Variants in MAP2 observed in about 807,000 individuals in gnomAD.
MAP2 encodes the protein microtubule associated protein 2, also known as microtubule-associated protein 2.
Under a neutral mutation model 137.6 loss-of-function variants are expected in MAP2, and 14 were observed. That is an observed-to-expected ratio of 0.10 (90% CI 0.07 to 0.16). The LOEUF (loss-of-function observed/expected upper bound fraction) is 0.16, where lower values mean the gene tolerates loss of function less well. Ranked by LOEUF, MAP2 falls within the 10% of genes least tolerant of loss-of-function variation. MAP2 has a pLI of 1.00. For missense variants in MAP2, 2,088 were observed against 2,191.5 expected, an observed-to-expected ratio of 0.95 and a Z score of 0.94; for synonymous variants, 786 against 782.3, an observed-to-expected ratio of 1.00 and a Z score of -0.08.
At chr2:209,546,091 C>T (rs898901616) in intron 2 of MAP2, among the ~76,000 whole-genome samples, 7 of 152,028 alleles carry the variant, frequency 4.6e-5, no homozygotes, top group African/African-American at 9.7e-5. Flanking sequence ...TGCGGTAAGC[C>T]GAGATCGCGC....
In MAP2 at chr2:209,733,076, G is replaced by T. The variant is rs55677311; in HGVS notation, c.*2679G>T. ...ACGCTGATCTAGGAATGAAATCTTCGTGGTCTCAATTCTAGATCTACTATG... is the reference window on the plus strand; with the variant it reads ...ACGCTGATCTAGGAATGAAATCTTCTTGGTCTCAATTCTAGATCTACTATG... On this transcript the variant is annotated 3_prime_UTR_variant, in exon 16 of 16. Coordinates refer to ENST00000682079, the MANE Select transcript of MAP2 (RefSeq NM_001375505.1). 1.3e-5 allele frequency: 2 copies of T among 152,502 alleles called. No homozygotes were observed. The highest frequency in any genetic ancestry group is 2.9e-5 in the Non-Finnish European group (2 of 68,036). 9.4% of individuals were successfully genotyped at this position (152,502 alleles called of 1,614,324 possible).
chr2:209,464,383 A>G (rs1246502749), intron 1 of MAP2, among the ~76,000 whole-genome samples: 1 of 152,144 alleles, frequency 6.6e-6, no homozygotes, highest in East Asian at 1.9e-4. Context: ...TGATTATTTA[A>G]AGTAATGTCA....
intron 4 of MAP2, among the ~76,000 whole-genome samples, chr2:209,646,454 G>T (rs2094430118): frequency 6.6e-6 from 1 of 152,072 alleles, no homozygotes; most frequent in African/African-American, 2.4e-5. Context: ...TAAGATTTTA[G>T]AATTTTTAAA....
intron 3 of MAP2, among the ~76,000 whole-genome samples, chr2:209,612,391 C>G (rs1048726170): frequency 2.0e-5 from 3 of 152,154 alleles, no homozygotes; most frequent in Non-Finnish European, 2.9e-5. Flanking sequence ...GTGGCTTTAT[C>G]ACAAGAACAC....
intron 10 of MAP2, among the ~76,000 whole-genome samples, 192 bp downstream of exon 10, chr2:209,697,243 T>G (rs1393721761): frequency 6.6e-6 from 1 of 152,134 alleles, no homozygotes; most frequent in Non-Finnish European, 1.5e-5. Context: ...CATGACCATC[T>G]GTTTCTTTGT....
chr2:209,662,955 T>G (rs901283833), intron 5 of MAP2, among the ~76,000 whole-genome samples: 1 of 151,368 alleles, frequency 6.6e-6, no homozygotes, highest in Non-Finnish European at 1.5e-5. Flanking sequence ...AAGTGTGAGA[T>G]ATATATATAT....
chr2:209,559,819 G>C (rs1485717368), intron 2 of MAP2, among the ~76,000 whole-genome samples: 2 of 151,700 alleles, frequency 1.3e-5, no homozygotes. Context: ...CCTGGAGTCA[G>C]CCACATTTTT....
At chr2:209,729,664 C>G (rs1173654315) in intron 14 of MAP2, among the ~76,000 whole-genome samples, 186 bp from the exon 15 acceptor site, 1 of 152,132 alleles carries the variant, frequency 6.6e-6, no homozygotes, top group East Asian at 1.9e-4. Context: ...GTGTTATGGT[C>G]TTGCATCATA....
chr2:209,563,576 A>G (rs1008988516), intron 2 of MAP2, among the ~76,000 whole-genome samples: 4 of 152,226 alleles, frequency 2.6e-5, no homozygotes, highest in Non-Finnish European at 4.4e-5. Context: ...TCTCTAGCTC[A>G]TAGTGAAATC....
At chr2:209,453,646 A>G (rs767167298) in intron 1 of MAP2, among the ~76,000 whole-genome samples, 2 of 152,206 alleles carry the variant, frequency 1.3e-5, no homozygotes, top group Non-Finnish European at 2.9e-5. Flanking sequence ...AAAAGATTAC[A>G]TAATATTCTG....
chr2:209,450,459 A>G (rs1700066641), intron 1 of MAP2, among the ~76,000 whole-genome samples: 1 of 152,166 alleles, frequency 6.6e-6, no homozygotes, highest in African/African-American at 2.4e-5. Flanking sequence ...GATTAGTAAC[A>G]TTTCATTTCA....
At chr2:209,532,761 T>C (rs555625235) in intron 2 of MAP2, among the ~76,000 whole-genome samples, 36 of 152,352 alleles carry the variant, frequency 2.4e-4, no homozygotes, top group Non-Finnish European at 4.9e-4. Context: ...CAGAAATCAA[T>C]GTGGACTAGT....
intron 3 of MAP2, among the ~76,000 whole-genome samples, chr2:209,620,165 ACTAAT>A (rs1196112892): frequency 1.3e-5 from 2 of 152,108 alleles, no homozygotes; most frequent in African/African-American, 4.8e-5. Flanking sequence ...TACTTTTCTG[ACTAAT>A]CTAATTGTTT....
chr2:209,472,287 G>A (rs954821995), intron 1 of MAP2, among the ~76,000 whole-genome samples: 3 of 152,178 alleles, frequency 2.0e-5, no homozygotes, highest in African/African-American at 7.2e-5. Context: ...TGGGCTGTTA[G>A]CCAAGGATTT....
intron 1 of MAP2, among the ~76,000 whole-genome samples, chr2:209,443,569 AC>A (rs869150895): frequency 4.8e-4 from 2 of 4,170 alleles, no homozygotes; most frequent in Non-Finnish European, 5.8e-3. Flanking sequence ...AGTCTCTTCA[AC>A]GACCCACTCC....
At chr2:209,556,593 C>T (rs1223589808) in intron 2 of MAP2, among the ~76,000 whole-genome samples, 2 of 150,724 alleles carry the variant, frequency 1.3e-5, no homozygotes, top group Non-Finnish European at 2.9e-5. Flanking sequence ...ACATGGGTGC[C>T]AGATTTCAAC....
At chr2:209,447,902 A>C (rs773797689) in intron 1 of MAP2, among the ~76,000 whole-genome samples, 1 of 152,128 alleles carries the variant, frequency 6.6e-6, no homozygotes, top group Non-Finnish European at 1.5e-5. Context: ...CTCATAACTT[A>C]AAATTCTGCT....
intron 11 of MAP2, among the ~76,000 whole-genome samples, chr2:209,703,520 A>G (rs918006660): frequency 6.6e-6 from 1 of 152,152 alleles, no homozygotes; most frequent in Non-Finnish European, 1.5e-5. Context: ...AGAATCCAAA[A>G]AGAATATTTT....
chr2:209,711,081 G>A (rs1380514658), intron 13 of MAP2, among the ~76,000 whole-genome samples: 1 of 152,118 alleles, frequency 6.6e-6, no homozygotes, highest in African/African-American at 2.4e-5. Flanking sequence ...TTTTGTCATT[G>A]AAGAGATATA....
Sources: allele counts gnomAD v4.1 joint callset (sites outside exome capture counted in the v4.1 genomes callset), GRCh38; gene constraint gnomAD v4.1.1; transcripts MANE v1.5; gene names NCBI Gene and HGNC (gene_info 2026-07-23, HGNC 2026-07-21).